Variants in PRCP observed in about 807,000 individuals in gnomAD.
PRCP encodes lysosomal Pro-X carboxypeptidase.
A neutral mutation model predicts 54.2 loss-of-function variants in PRCP; 46 were observed. That is an observed-to-expected ratio of 0.85 (90% CI 0.67 to 1.09). PRCP has a LOEUF of 1.09. Ranked by LOEUF, PRCP falls within the 50% of genes least tolerant of loss-of-function variation. PRCP has a pLI of 0.00. For synonymous variants in PRCP, 240 were observed against 212.2 expected (o/e 1.13, Z -1.14); for missense variants, 613 against 596.8 (o/e 1.03, Z -0.28).
At chr11:82,860,851 T>A (rs1859191395) in intron 1 of PRCP, among the ~76,000 whole-genome samples, 1 of 152,134 alleles carries the variant, frequency 6.6e-6, no homozygotes, top group Admixed American at 6.5e-5. Flanking sequence ...CTGATTGACA[T>A]TTGGGACAAG....
At chr11:82,831,762 G>A (rs1411924570) in intron 8 of PRCP, among the ~76,000 whole-genome samples, 1 of 151,848 alleles carries the variant, frequency 6.6e-6, no homozygotes, top group Non-Finnish European at 1.5e-5. Context: ...AGATACATGT[G>A]CAGAATGTGC....
chr11:82,824,680 T>C lies in PRCP; in HGVS notation c.*226A>G, dbSNP rs1474361963. 1.9e-5 allele frequency: 10 copies of C among 518,936 alleles called. No homozygotes were observed. Among genetic ancestry groups the C allele is most frequent in the Non-Finnish European group, 3.1e-5 (9 of 289,496 alleles). 32.1% of individuals were successfully genotyped at this position (518,936 alleles called of 1,614,324 possible). On this transcript the variant is annotated 3_prime_UTR_variant, in exon 9 of 9. Coordinates refer to ENST00000313010, the MANE Select transcript of PRCP (RefSeq NM_005040.4). ...AGGGCCACTGATGGTGTGGGAGAGC[T>C]ATCAAGAAGATTCTTCCTAGACGTG...
At chr11:82,855,882 G>C (rs116600446) in intron 2 of PRCP, among the ~76,000 whole-genome samples, 1,692 of 152,264 alleles carry the variant, frequency 0.011, 28 homozygotes, top group African/African-American at 0.037. Flanking sequence ...TGGAGAAAGG[G>C]GAATGCTTAT....
chr11:82,841,240 T>C (rs977881595), intron 6 of PRCP, among the ~76,000 whole-genome samples: 1 of 149,698 alleles, frequency 6.7e-6, no homozygotes. Flanking sequence ...CTCATCACAG[T>C]TCTGCCTGGC....
intron 1 of PRCP, among the ~76,000 whole-genome samples, chr11:82,890,397 T>C (rs1379084223): frequency 6.6e-6 from 1 of 152,188 alleles, no homozygotes. Context: ...CTATATGATG[T>C]GCCTAACCCA....
chr11:82,829,126 C>T (rs1858315729), intron 8 of PRCP: 1 of 152,152 alleles, frequency 6.6e-6, no homozygotes, highest in Non-Finnish European at 1.5e-5. Flanking sequence ...ATCTTCCTGC[C>T]TCTACTCTTG....
At chr11:82,882,494 C>G (rs996406013) in intron 1 of PRCP, among the ~76,000 whole-genome samples, 1 of 127,824 alleles carries the variant, frequency 7.8e-6, no homozygotes, top group Non-Finnish European at 1.6e-5. Context: ...TGAGCCAGTT[C>G]TTTTTTTTTT....
chr11:82,860,017 G>C lies in PRCP; in HGVS notation c.269C>G (p.Thr90Ser), dbSNP rs1859171956. The C allele has an allele frequency of 6.3e-7, 1 of 1,590,982 alleles. No individual in the cohort carries two copies. Among genetic ancestry groups the C allele is most frequent in the South Asian group, 1.1e-5 (1 of 87,360 alleles). The stretch of plus-strand genomic sequence containing the variant: ...CCAGATAATGTCCCCTTCATTACCA[G>C]TGTAGAAAAGTATTGATCCACCATT... ...KKNGGSILFY[T>S]GNEGDIIWFC... is the part of the protein sequence containing the mutation. The change falls in exon 2 of 9, where the codon ACT becomes AGT. Residue 90 changes from threonine (T) to serine (S), a missense_variant. By Grantham distance (58) the Thr-to-Ser change is moderately conservative. Coordinates refer to ENST00000313010, the MANE Select transcript of PRCP (RefSeq NM_005040.4).
At chr11:82,850,246 T>A in intron 4 of PRCP, 78 bp downstream of exon 4, 1 of 1,310,948 alleles carries the variant, frequency 7.6e-7, no homozygotes. Context: ...GCATGGAACA[T>A]GTTTTACCCA....
At chr11:82,880,104 C>T (rs1443016847) in intron 1 of PRCP, among the ~76,000 whole-genome samples, 2 of 152,238 alleles carry the variant, frequency 1.3e-5, no homozygotes, top group African/African-American at 4.8e-5. Context: ...GTTTCTGCTG[C>T]CTTTTGTTCA....
intron 8 of PRCP, among the ~76,000 whole-genome samples, chr11:82,836,022 T>C (rs1446414103): frequency 1.3e-5 from 2 of 151,672 alleles, no homozygotes; most frequent in Non-Finnish European, 2.9e-5. Context: ...TGAAACCCCA[T>C]CTCTGCTAAA....
At position 82,838,537 on chromosome 11, in the gene PRCP, C is replaced by A. The variant is rs1212977818; in HGVS notation, c.1124G>T (p.Gly375Val). The A allele has an allele frequency of 5.0e-6, 8 of 1,613,932 alleles. No individual in the cohort carries two copies. Among genetic ancestry groups the A allele is most frequent in the Middle Eastern group, 3.3e-4 (2 of 6,062 alleles). ...TEVVMPFCTN[G>V]VDDMFEPHSW... ...GTGAGGTTCAAACATGTCATCGACACCATTAGTACAAAAGGGCATGACTAC... is the reference window on the plus strand; with the variant it reads ...GTGAGGTTCAAACATGTCATCGACAACATTAGTACAAAAGGGCATGACTAC... The change falls in exon 8 of 9, where the codon GGT (glycine) becomes GTT (valine). Residue 375 changes from glycine to valine, a missense_variant. Coordinates refer to ENST00000313010, the MANE Select transcript of PRCP (RefSeq NM_005040.4).
chr11:82,900,890 T>C (rs1292662789), upstream of PRCP: 4 of 456,734 alleles, frequency 8.8e-6, no homozygotes, highest in Admixed American at 2.3e-5. Flanking sequence ...TGACAATTTA[T>C]TGAAGGTTCA....
chr11:82,827,249 A>G (rs900728742), intron 8 of PRCP: 1 of 152,178 alleles, frequency 6.6e-6, no homozygotes, highest in Non-Finnish European at 1.5e-5. Context: ...CATTTGCAGC[A>G]CAAGTTTTTC....
intron 1 of PRCP, among the ~76,000 whole-genome samples, chr11:82,872,642 C>T (rs1384677863): frequency 2.0e-5 from 3 of 152,146 alleles, no homozygotes; most frequent in Non-Finnish European, 2.9e-5. Context: ...CCAGACTCTT[C>T]CCCGGAGCCC....
At chr11:82,845,275 T>C (rs1474762422) in intron 6 of PRCP, among the ~76,000 whole-genome samples, 8 of 152,112 alleles carry the variant, frequency 5.3e-5, no homozygotes, top group Admixed American at 5.2e-4. Context: ...AAAGTAAAGA[T>C]AATGATTTGT....
chr11:82,839,198 T>C (rs1475966969), intron 7 of PRCP, 63 bp downstream of exon 7: 2 of 1,534,054 alleles, frequency 1.3e-6, no homozygotes, highest in Non-Finnish European at 1.8e-6. Flanking sequence ...CCCTGATTTT[T>C]TTTTACAGCA....
intron 8 of PRCP, among the ~76,000 whole-genome samples, chr11:82,834,672 T>C (rs1858473114): frequency 6.6e-6 from 1 of 152,194 alleles, no homozygotes; most frequent in South Asian, 2.1e-4. Context: ...CACTGCATGT[T>C]CTCATTTATA....
At position 82,823,099 on chromosome 11, in the gene PRCP, C is replaced by T. The variant is rs998705889; in HGVS notation, c.*1807G>A. Reference sequence around the variant, plus strand: ...GCTATCTATATTCCTAAAATGCATACAGTAATAGGATACAATTATGCTTGC... The same window carrying T: ...GCTATCTATATTCCTAAAATGCATATAGTAATAGGATACAATTATGCTTGC... On this transcript the variant is annotated 3_prime_UTR_variant, in exon 9 of 9. Transcript: ENST00000313010. 5.9e-5 allele frequency among the ~76,000 whole-genome samples: 9 copies of T among 152,120 alleles called. No homozygotes were observed. The highest frequency in any genetic ancestry group is 4.6e-4 in the Admixed American group (7 of 15,274).
Sources: allele counts gnomAD v4.1 joint callset (sites outside exome capture counted in the v4.1 genomes callset), GRCh38; gene constraint gnomAD v4.1.1; transcripts MANE v1.5; gene names NCBI Gene and HGNC (gene_info 2026-07-23, HGNC 2026-07-21).